Variants in NUDT1 observed in about 807,000 individuals in gnomAD.
The protein encoded by NUDT1 is nudix hydrolase 1, also known as oxidized purine nucleoside triphosphate hydrolase.
In NUDT1, 16 loss-of-function variants were observed where a neutral mutation model predicts 11.3. That is an observed-to-expected ratio of 1.41 (90% CI 0.96 to 2.15). The LOEUF (loss-of-function observed/expected upper bound fraction) is 2.15, where lower values mean the gene tolerates loss of function less well. NUDT1 is among the 30% of genes most tolerant of loss of function. The pLI is 0.00. For synonymous variants in NUDT1, 101 were observed against 84.4 expected (o/e 1.20, Z -1.08); for missense variants, 234 against 208.4 (o/e 1.12, Z -0.76).
intron 2 of NUDT1, among the ~76,000 whole-genome samples, chr7:2,244,953 C>T (rs1211614142): frequency 2.0e-5 from 3 of 152,166 alleles, no homozygotes; most frequent in Non-Finnish European, 4.4e-5. Flanking sequence ...GAACGGTGCG[C>T]GGTGTGCGGT....
chr7:2,246,056 G>A (rs1794755340), intron 2 of NUDT1, among the ~76,000 whole-genome samples: 1 of 152,144 alleles, frequency 6.6e-6, no homozygotes, highest in African/African-American at 2.4e-5. Context: ...GGTGTGAGTC[G>A]GGCATACAGC....
intron 3 of NUDT1, among the ~76,000 whole-genome samples, chr7:2,250,507 G>C (rs1055795263): frequency 1.3e-5 from 2 of 152,226 alleles, no homozygotes; most frequent in Non-Finnish European, 2.9e-5. Flanking sequence ...GCCCAGGCTG[G>C]AGGGCAATGG....
rs1794571289 is a variant in NUDT1, at chr7:2,242,254, C to G, written c.-15C>G. 3 of 1,399,078 alleles carry G rather than the reference C, an allele frequency of 2.1e-6. No individual in the cohort carries two copies. Among genetic ancestry groups the G allele is most frequent in the Non-Finnish European group, 2.8e-6 (3 of 1,053,774 alleles). 86.7% of individuals were successfully genotyped at this position (1,399,078 alleles called of 1,614,324 possible). On this transcript the variant is annotated splice_region_variant and 5_prime_UTR_variant, in exon 1 of 4. Transcript: ENST00000356714. The stretch of plus-strand genomic sequence containing the variant: ...GGCCACGCCCCCGGAAGCGGCGGTG[C>G]AGGTACGAAAAGCGCGCGCGGGGAT...
In NUDT1 at chr7:2,244,719, G is replaced by A. The variant is rs1365324268; in HGVS notation, c.145G>A (p.Ala49Thr). The change falls in exon 2 of 4, where the codon GCT becomes ACT. Residue 49 changes from alanine to threonine, a missense_variant. Coordinates refer to ENST00000356714, the MANE Select transcript of NUDT1 (RefSeq NM_002452.4). ...AGAAGGAGAGACCATCGAGGATGGGGCTAGGAGGTAAGGATGGGGCAGGTC... is the reference window on the plus strand; with the variant it reads ...AGAAGGAGAGACCATCGAGGATGGGACTAGGAGGTAAGGATGGGGCAGGTC... ...VQEGETIEDG[A>T]RRELQEESGL... 6.2e-7 allele frequency: 1 copy of A among 1,609,660 alleles called. No homozygotes were observed. The highest frequency in any genetic ancestry group is 8.5e-7 in the Non-Finnish European group (1 of 1,178,582).
In NUDT1 at chr7:2,251,017, G is replaced by A. The variant is rs774699263; in HGVS notation, c.*16G>A. 1.2e-6 allele frequency: 2 copies of A among 1,613,100 alleles called. No homozygotes were observed. Among genetic ancestry groups the A allele is most frequent in the African/African-American group, 1.3e-5 (1 of 74,924 alleles). On this transcript the variant is annotated 3_prime_UTR_variant, in exon 4 of 4. Transcript: ENST00000356714. ...CACGGTCTAGCGGGAGCCCAGGGCA[G>A]CCCCTGGGCAGGAGACGTGGCTGCT...
intron 2 of NUDT1, among the ~76,000 whole-genome samples, chr7:2,247,646 G>A (rs562738985): frequency 7.9e-5 from 12 of 152,322 alleles, no homozygotes; most frequent in African/African-American, 2.2e-4. Context: ...GTTCCGCCTG[G>A]GGAACCGAGT....
Position 2,244,659 on chromosome 7 carries a change from G to C in NUDT1, c.85G>C (p.Ala29Pro). The change falls in exon 2 of 4, where the codon GCC becomes CCC. Residue 29 changes from alanine (A) to proline (P), a missense_variant. Transcript: ENST00000356714. The stretch of plus-strand genomic sequence containing the variant: ...GGGCATGAAAAAGCGAGGCTTCGGG[G>C]CCGGCCGGTGGAATGGCTTTGGGGG... ...LLGMKKRGFG[A>P]GRWNGFGGKV... 1 of 1,613,868 alleles carries C rather than the reference G, an allele frequency of 6.2e-7. No homozygotes were observed. Among genetic ancestry groups the C allele is most frequent in the Non-Finnish European group, 8.5e-7 (1 of 1,179,922 alleles).
At chr7:2,248,798 C>T (rs560777873) in intron 2 of NUDT1, among the ~76,000 whole-genome samples, 2 of 152,186 alleles carry the variant, frequency 1.3e-5, no homozygotes, top group Non-Finnish European at 2.9e-5. Flanking sequence ...GCAATCAATC[C>T]TCCCACCTTG....
chr7:2,246,183 A>G (rs986571974), intron 2 of NUDT1, among the ~76,000 whole-genome samples: 2 of 152,142 alleles, frequency 1.3e-5, no homozygotes, highest in Admixed American at 1.3e-4. Context: ...CCATCAGCTC[A>G]TGGATTTCTG....
rs34506162 is a variant in NUDT1 at position 2,250,748 on chromosome 7, G to A, written c.299-81G>A. 12,567 of 1,525,516 alleles carry A rather than the reference G, an allele frequency of 8.2e-3. 453 individuals carry two copies. The African/African-American group carries it at 0.1, about 12-fold the overall frequency. 94.5% of individuals were successfully genotyped at this position (1,525,516 alleles called of 1,614,324 possible). A position where few individuals can be genotyped will look rare whatever the true frequency, so the allele number is the denominator to read the frequency against. Reference sequence around the variant, plus strand: ...GCTGGGATTACAGGCGTGAGCCACCGCGCCCGGCCAAAAAAAACATGTTTT... The same window carrying A: ...GCTGGGATTACAGGCGTGAGCCACCACGCCCGGCCAAAAAAAACATGTTTT... On this transcript the variant is annotated intron_variant, in intron 3 of 3. Transcript: ENST00000356714.
intron 3 of NUDT1, among the ~76,000 whole-genome samples, chr7:2,250,480 C>G (rs1046085976): frequency 6.6e-6 from 1 of 152,204 alleles, no homozygotes. Context: ...TGTTTTGAGA[C>G]GAAGTCTCGC....
intron 2 of NUDT1, among the ~76,000 whole-genome samples, chr7:2,245,014 A>G (rs1277014689): frequency 6.6e-6 from 1 of 152,184 alleles, no homozygotes; most frequent in African/African-American, 2.4e-5. Flanking sequence ...TGGGGGCTGC[A>G]GGGCGTATCT....
At chr7:2,249,272 A>C (rs35094664) in intron 2 of NUDT1, 1,984 of 157,272 alleles carry the variant, frequency 0.013, 25 homozygotes, top group South Asian at 0.037. Context: ...TCCTTCAGGA[A>C]ACAGATCATA....
At chr7:2,249,715 T>C in intron 2 of NUDT1, 142 bp from the exon 3 acceptor site, 1 of 974,536 alleles carries the variant, frequency 1.0e-6, no homozygotes, top group Non-Finnish European at 1.6e-6. Flanking sequence ...TAATGCATTC[T>C]AGGGGACATC....
intron 2 of NUDT1, 137 bp from the exon 3 acceptor site, chr7:2,249,720 G>T (rs1306442820): frequency 2.0e-6 from 2 of 1,019,586 alleles, no homozygotes; most frequent in Non-Finnish European, 1.5e-6. Flanking sequence ...CATTCTAGGG[G>T]ACATCCTCCT....
Position 2,251,020 on chromosome 7 carries a change from C to A in NUDT1, c.*19C>A, listed in dbSNP as rs1347567785. 1 of 1,613,202 alleles carries A rather than the reference C, an allele frequency of 6.2e-7. No homozygotes were observed. The highest frequency in any genetic ancestry group is 8.5e-7 in the Non-Finnish European group (1 of 1,179,686). On this transcript the variant is annotated 3_prime_UTR_variant, in exon 4 of 4. Transcript: ENST00000356714. The stretch of plus-strand genomic sequence containing the variant: ...GGTCTAGCGGGAGCCCAGGGCAGCC[C>A]CTGGGCAGGAGACGTGGCTGCTGAA...
At chr7:2,245,973 G>A (rs1222048191) in intron 2 of NUDT1, among the ~76,000 whole-genome samples, 2 of 152,238 alleles carry the variant, frequency 1.3e-5, no homozygotes, top group South Asian at 2.1e-4. Flanking sequence ...GGACACGTTC[G>A]ATCAGTCACT....
At position 2,242,256 on chromosome 7, in the gene NUDT1, G is replaced by C. The variant is rs1794571546; in HGVS notation, c.-13G>C. ...CCACGCCCCCGGAAGCGGCGGTGCAGGTACGAAAAGCGCGCGCGGGGATTC... is the reference window on the plus strand; with the variant it reads ...CCACGCCCCCGGAAGCGGCGGTGCACGTACGAAAAGCGCGCGCGGGGATTC... On this transcript the variant is annotated splice_region_variant and 5_prime_UTR_variant, in exon 1 of 4. Transcript: ENST00000356714. The C allele has an allele frequency of 1.5e-6, 2 of 1,356,708 alleles. No homozygotes were observed. Among genetic ancestry groups the C allele is most frequent in the Non-Finnish European group, 2.0e-6 (2 of 1,019,742 alleles). 84.0% of individuals were successfully genotyped at this position (1,356,708 alleles called of 1,614,324 possible).
At chr7:2,250,736 G>A (rs563996216) in intron 3 of NUDT1, 93 bp from the exon 4 acceptor site, 10 of 1,287,978 alleles carry the variant, frequency 7.8e-6, no homozygotes, top group Middle Eastern at 2.1e-4. Flanking sequence ...GGGATTACAG[G>A]CGTGAGCCAC....
Sources: allele counts gnomAD v4.1 joint callset (sites outside exome capture counted in the v4.1 genomes callset), GRCh38; gene constraint gnomAD v4.1.1; transcripts MANE v1.5; gene names NCBI Gene and HGNC (gene_info 2026-07-23, HGNC 2026-07-21).